PDZRN4: variants seen among roughly 807,000 people sequenced by gnomAD.
PDZRN4 encodes the protein PDZ domain-containing RING finger protein 4.
In PDZRN4, 70 loss-of-function variants were observed where a neutral mutation model predicts 99.0. The ratio of observed to expected loss-of-function variants is 0.71; its 90% CI spans 0.58 to 0.86. The LOEUF is 0.86. Among genes scored for constraint, PDZRN4 ranks in the 40% least tolerant of loss-of-function variants. The probability of loss-of-function intolerance (pLI) is 0.00; values close to 1 mark genes in which losing one functional copy is unlikely to be tolerated. For missense variants in PDZRN4, 1,474 were observed against 1,331.2 expected, an observed-to-expected ratio of 1.11 and a Z score of -1.67; for synonymous variants, 551 against 501.6, an observed-to-expected ratio of 1.10 and a Z score of -1.32.
rs1937859509 is a variant in PDZRN4, at chr12:41,490,348, G to A, written c.844-16108G>A. Among the ~76,000 whole-genome samples, 3 of 152,108 alleles carry A rather than the reference G, an allele frequency of 2.0e-5. No individual in the cohort carries two copies. In the East Asian group the frequency reaches 5.8e-4, roughly 29 times the overall value. On this transcript the variant is annotated intron_variant, in intron 3 of 9. Coordinates refer to ENST00000402685, the MANE Select transcript of PDZRN4 (RefSeq NM_001164595.2). ...TAAGTCTTCTGACCATGAATCCAAG[G>A]CTTTTTGTGTATAGTATTCTGCTCC...
chr12:41,476,308 T>C (rs1357604488), intron 3 of PDZRN4, among the ~76,000 whole-genome samples: 1 of 152,202 alleles, frequency 6.6e-6, no homozygotes. Context: ...ATGTATGCAT[T>C]GCTAAAGAAA....
At chr12:41,320,311 G>A (rs1951667340) in intron 3 of PDZRN4, among the ~76,000 whole-genome samples, 1 of 152,186 alleles carries the variant, frequency 6.6e-6, no homozygotes, top group South Asian at 2.1e-4. Context: ...AGCAATATTA[G>A]ATCCTGTGTT....
intron 3 of PDZRN4, among the ~76,000 whole-genome samples, chr12:41,461,330 C>T (rs960661208): frequency 6.6e-6 from 1 of 152,026 alleles, no homozygotes; most frequent in African/African-American, 2.4e-5. Flanking sequence ...AAGCCTAGTA[C>T]CCATTAGTTA....
Position 41,389,817 on chromosome 12 carries a change from C to T in PDZRN4, c.844-116639C>T, listed in dbSNP as rs57534395. Among the ~76,000 whole-genome samples, 589 of 152,280 alleles carry T rather than the reference C, an allele frequency of 3.9e-3. 1 individual carries two copies. The highest frequency in any genetic ancestry group is 0.014 in the African/African-American group (569 of 41,554). On this transcript the variant is annotated intron_variant, in intron 3 of 9. Coordinates refer to ENST00000402685, the MANE Select transcript of PDZRN4 (RefSeq NM_001164595.2). ...AGAGGTCAAATGGAAGTTGGACTCA[C>T]CTGGAAGAGTGATCAGACATTTCCA...
chr12:41,471,956 C>T (rs138463340), intron 3 of PDZRN4, among the ~76,000 whole-genome samples: 52 of 151,146 alleles, frequency 3.4e-4, no homozygotes, highest in African/African-American at 1.2e-3. Context: ...AAAACCAGTC[C>T]AAGTAAAAAA....
At chr12:41,389,156 C>A (rs1051754606) in intron 3 of PDZRN4, among the ~76,000 whole-genome samples, 1 of 152,044 alleles carries the variant, frequency 6.6e-6, no homozygotes, top group African/African-American at 2.4e-5. Flanking sequence ...AATTTTGACT[C>A]CTTTTAAAAT....
intron 3 of PDZRN4, among the ~76,000 whole-genome samples, chr12:41,252,114 TTAAATAAA>T (rs111411007): frequency 2.2e-4 from 33 of 149,198 alleles, no homozygotes; most frequent in African/African-American, 6.8e-4. Context: ...AGACCCTGTT[TTAAATAAA>T]TAAATAAATA....
chr12:41,260,385 T>C (rs143916998), intron 3 of PDZRN4, among the ~76,000 whole-genome samples: 57 of 152,218 alleles, frequency 3.7e-4, no homozygotes, highest in African/African-American at 1.3e-3. Flanking sequence ...TGGTCTCTGA[T>C]TAAACAAGCA....
At chr12:41,270,337 T>C (rs902573840) in intron 3 of PDZRN4, among the ~76,000 whole-genome samples, 6 of 151,056 alleles carry the variant, frequency 4.0e-5, no homozygotes, top group Non-Finnish European at 8.9e-5. Flanking sequence ...TGTGTGTGTG[T>C]GTGTGTGTGT....
chr12:41,420,966 A>G (rs878900105), intron 3 of PDZRN4, among the ~76,000 whole-genome samples: 17 of 152,030 alleles, frequency 1.1e-4, no homozygotes, highest in Admixed American at 1.1e-3. Flanking sequence ...TCCTGACTTC[A>G]TTATTTTTAT....
At chr12:41,439,927 T>C (rs1167432515) in intron 3 of PDZRN4, among the ~76,000 whole-genome samples, 44 of 152,188 alleles carry the variant, frequency 2.9e-4, no homozygotes, top group Non-Finnish European at 5.9e-5. Flanking sequence ...GTTAATGGAA[T>C]AGATAAGATA....
At chr12:41,339,410 C>A (rs1173751083) in intron 3 of PDZRN4, among the ~76,000 whole-genome samples, 1 of 152,040 alleles carries the variant, frequency 6.6e-6, no homozygotes, top group Admixed American at 6.6e-5. Flanking sequence ...TCACAAAATA[C>A]AAACATCAAA....
intron 7 of PDZRN4, among the ~76,000 whole-genome samples, chr12:41,560,499 A>G (rs904211964): frequency 1.3e-5 from 2 of 152,168 alleles, no homozygotes; most frequent in Non-Finnish European, 2.9e-5. Context: ...ACATATGGCC[A>G]TGTAAAGAAA....
At chr12:41,480,854 G>A (rs763768622) in intron 3 of PDZRN4, among the ~76,000 whole-genome samples, 2 of 152,008 alleles carry the variant, frequency 1.3e-5, no homozygotes, top group Non-Finnish European at 2.9e-5. Flanking sequence ...ATTTCAGCAG[G>A]TGATACAGAA....
chr12:41,437,236 C>T (rs941048607), intron 3 of PDZRN4, among the ~76,000 whole-genome samples: 1 of 152,112 alleles, frequency 6.6e-6, no homozygotes, highest in East Asian at 1.9e-4. Context: ...TCTTCCTTTT[C>T]CATGTCACCC....
Position 41,201,694 on chromosome 12 carries a change from G to T in PDZRN4, c.843+7506G>T, listed in dbSNP as rs567686560. Among the ~76,000 whole-genome samples, 5 of 152,068 alleles carry T rather than the reference G, an allele frequency of 3.3e-5. No individual in the cohort carries two copies. The East Asian group carries it at 9.7e-4, about 30-fold the overall frequency. ...TTTTCCAGTTGGGCAGTCCCCAAAG[G>T]CTCTCCTGTAACATCCGATTCCTTC... On this transcript the variant is annotated intron_variant, in intron 3 of 9. Coordinates refer to ENST00000402685, the MANE Select transcript of PDZRN4 (RefSeq NM_001164595.2).
intron 5 of PDZRN4, among the ~76,000 whole-genome samples, chr12:41,544,510 G>T (rs936054720): frequency 1.3e-5 from 2 of 152,134 alleles, no homozygotes; most frequent in African/African-American, 4.8e-5. Flanking sequence ...AGAAGGCAAG[G>T]TGCCATCCTC....
intron 3 of PDZRN4, among the ~76,000 whole-genome samples, chr12:41,289,693 T>C (rs558112132): frequency 3.7e-4 from 57 of 152,340 alleles, no homozygotes; most frequent in African/African-American, 1.3e-3. Context: ...GTGTGGCCTC[T>C]GTTCTGCCCC....
chr12:41,211,000 A>G (rs923290884), intron 3 of PDZRN4, among the ~76,000 whole-genome samples: 1 of 151,946 alleles, frequency 6.6e-6, no homozygotes, highest in Non-Finnish European at 1.5e-5. Flanking sequence ...TTTCTAAAAC[A>G]TTGTCAGTTG....
Sources: allele counts gnomAD v4.1 joint callset (sites outside exome capture counted in the v4.1 genomes callset), GRCh38; gene constraint gnomAD v4.1.1; transcripts MANE v1.5; gene names NCBI Gene and HGNC (gene_info 2026-07-23, HGNC 2026-07-21).